Variants in KPNA6 observed in about 807,000 individuals in gnomAD.
KPNA6 encodes the protein importin subunit alpha-7.
In KPNA6, 9 loss-of-function variants were observed where a neutral mutation model predicts 72.0. That is an observed-to-expected ratio of 0.13 (90% confidence interval 0.08 to 0.22). The LOEUF is 0.22. Ranked by LOEUF, KPNA6 falls within the 10% of genes least tolerant of loss-of-function variation. KPNA6 has a pLI of 1.00. For missense variants in KPNA6, 374 were observed against 655.7 expected, an observed-to-expected ratio of 0.57 and a Z score of 4.69; for synonymous variants, 219 against 242.1, an observed-to-expected ratio of 0.90 and a Z score of 0.89.
chr1:32,162,649 A>G (rs1167071812), intron 9 of KPNA6, 125 bp downstream of exon 9: 23 of 919,032 alleles, frequency 2.5e-5, no homozygotes, highest in African/African-American at 5.0e-5. Flanking sequence ...AGCCTGACCA[A>G]CATGGTGAAA....
chr1:32,131,456 C>T (rs1179236292), intron 1 of KPNA6, among the ~76,000 whole-genome samples: 3 of 152,030 alleles, frequency 2.0e-5, no homozygotes, highest in Non-Finnish European at 4.4e-5. Flanking sequence ...CAAGACCAAC[C>T]TGGGCAACAA....
At chr1:32,165,875 G>A (rs1642324658) in intron 10 of KPNA6, among the ~76,000 whole-genome samples, 1 of 151,790 alleles carries the variant, frequency 6.6e-6, no homozygotes, top group South Asian at 2.1e-4. Flanking sequence ...GTAGGCGTCT[G>A]TAATCCAAGC....
intron 1 of KPNA6, among the ~76,000 whole-genome samples, chr1:32,119,743 AT>A (rs4012180): frequency 0.73 from 90,333 of 124,490 alleles, 32,277 homozygotes; most frequent in Middle Eastern, 0.87. Flanking sequence ...GAAATCTGGA[AT>A]TTTTTTTTTT....
intron 1 of KPNA6, among the ~76,000 whole-genome samples, chr1:32,131,248 T>C (rs1293064177): frequency 6.6e-6 from 1 of 152,042 alleles, no homozygotes; most frequent in Admixed American, 6.6e-5. Flanking sequence ...GAGCCGAGAT[T>C]GCGCCATTGC....
rs1167920788 is a variant in KPNA6, at chr1:32,108,069, A to AAAGCTGCCGCTG, written c.-51_-40dup. 4.6e-5 allele frequency: 74 copies of AAAGCTGCCGCTG among 1,613,410 alleles called. No individual in the cohort carries two copies. The highest frequency in any genetic ancestry group is 9.3e-5 in the African/African-American group (7 of 75,036). On this transcript the variant is annotated 5_prime_UTR_variant, in exon 1 of 14. Coordinates refer to ENST00000373625, the MANE Select transcript of KPNA6 (RefSeq NM_012316.5). ...TACAGATCCGCCATATTGTCTACTG[A>AAAGCTGCCGCTG]AAGCTGCCGCTGAAGCTGCCGCCGT...
At chr1:32,169,089 A>G (rs950208160) in intron 12 of KPNA6, among the ~76,000 whole-genome samples, 1 of 151,896 alleles carries the variant, frequency 6.6e-6, no homozygotes, top group Non-Finnish European at 1.5e-5. Flanking sequence ...AAGGCTCAGT[A>G]AGAGCAGTGG....
At chr1:32,131,651 T>C (rs1273883198) in intron 1 of KPNA6, among the ~76,000 whole-genome samples, 2 of 151,492 alleles carry the variant, frequency 1.3e-5, no homozygotes, top group Non-Finnish European at 2.9e-5. Context: ...TGTGTATATA[T>C]ATATACACAC....
At position 32,156,951 on chromosome 1, in the gene KPNA6, G is replaced by A; in HGVS notation, c.231+6G>A. 1.2e-6 allele frequency: 2 copies of A among 1,606,350 alleles called. No individual in the cohort carries two copies. Among genetic ancestry groups the A allele is most frequent in the Non-Finnish European group, 1.7e-6 (2 of 1,173,472 alleles). ...ATGTGAGCTCTACCACTGGGGTAAG[G>A]CCCCTGCATGTGCCTCAGGCTGACC... On this transcript the variant is annotated splice_donor_region_variant and intron_variant, in intron 3 of 13. Transcript: ENST00000373625.
intron 1 of KPNA6, among the ~76,000 whole-genome samples, chr1:32,135,038 T>C (rs989082574): frequency 6.6e-6 from 1 of 151,958 alleles, no homozygotes; most frequent in Non-Finnish European, 1.5e-5. Flanking sequence ...CCTGAGTAGC[T>C]GGGACTACAG....
At chr1:32,159,368 A>T in intron 5 of KPNA6, 32 bp from the exon 6 acceptor site, 2 of 1,611,692 alleles carry the variant, frequency 1.2e-6, no homozygotes, top group South Asian at 2.2e-5. Context: ...GTCTGAAATG[A>T]CCTTTCAATC....
At chr1:32,158,983 A>G (rs527850397) in intron 5 of KPNA6, among the ~76,000 whole-genome samples, 6 of 152,318 alleles carry the variant, frequency 3.9e-5, no homozygotes, top group African/African-American at 1.2e-4. Context: ...TGATGGGTCA[A>G]TCCATTGGAA....
intron 13 of KPNA6, 150 bp downstream of exon 13, chr1:32,170,210 C>T (rs1642411565): frequency 1.5e-6 from 1 of 650,796 alleles, no homozygotes; most frequent in African/African-American, 1.8e-5. Flanking sequence ...GTTAAGAGCT[C>T]CTGCCCTAGC....
At chr1:32,119,030 A>ATTTTTTTT (rs1402526300) in intron 1 of KPNA6, among the ~76,000 whole-genome samples, 1 of 56,518 alleles carries the variant, frequency 1.8e-5, no homozygotes, top group African/African-American at 7.8e-5. Flanking sequence ...ATATATATAT[A>ATTTTTTTT]TATTTTTTTT....
intron 1 of KPNA6, among the ~76,000 whole-genome samples, chr1:32,133,564 G>A (rs953376240): frequency 6.6e-6 from 1 of 151,692 alleles, no homozygotes; most frequent in Non-Finnish European, 1.5e-5. Flanking sequence ...GATGGCATGG[G>A]CCTGTGGTCC....
chr1:32,137,448 C>T (rs1392086550), intron 1 of KPNA6, among the ~76,000 whole-genome samples: 1 of 152,156 alleles, frequency 6.6e-6, no homozygotes, highest in Non-Finnish European at 1.5e-5. Flanking sequence ...GCTAGGATTA[C>T]AAGTGTGAAC....
chr1:32,119,010 ATATATATATATATATATATATATT>A (rs1164750828), intron 1 of KPNA6, among the ~76,000 whole-genome samples: 18 of 62,858 alleles, frequency 2.9e-4, no homozygotes, highest in Admixed American at 1.3e-3. Context: ...ATATATATAT[ATATATATATATATATATATATATT>A]TTTTTTTTTT....
At chr1:32,159,310 G>A in intron 5 of KPNA6, 90 bp from the exon 6 acceptor site, 1 of 1,372,596 alleles carries the variant, frequency 7.3e-7, no homozygotes, top group Non-Finnish European at 1.0e-6. Context: ...TTAAATTCAT[G>A]GGCAGGAGGC....
intron 5 of KPNA6, 64 bp downstream of exon 5, chr1:32,158,425 A>G (rs1045228227): frequency 4.8e-5 from 46 of 960,840 alleles, no homozygotes; most frequent in Admixed American, 9.7e-5. Context: ...TAGTAGGTAT[A>G]TATATTTATG....
intron 10 of KPNA6, among the ~76,000 whole-genome samples, chr1:32,164,548 C>T (rs888756140): frequency 2.7e-5 from 4 of 149,224 alleles, no homozygotes; most frequent in Admixed American, 1.3e-4. Flanking sequence ...TGTTATTTTC[C>T]GTTTTTTGTT....
Sources: gnomAD v4.1 joint callset for allele counts (sites outside exome capture counted in the v4.1 genomes callset) on GRCh38, gnomAD v4.1.1 for gene constraint, MANE v1.5 for transcripts, NCBI Gene and HGNC (gene_info 2026-07-23, HGNC 2026-07-21) for gene names.